Variants in SIM2 observed in about 807,000 individuals in gnomAD.
The protein encoded by SIM2 is SIM bHLH transcription factor 2.
A neutral mutation model predicts 64.8 loss-of-function variants in SIM2; 28 were observed. That is an observed-to-expected ratio of 0.43 (90% CI 0.32 to 0.59). The LOEUF is 0.59. Ranked by LOEUF, SIM2 falls within the 20% of genes least tolerant of loss-of-function variation. The probability of loss-of-function intolerance (pLI) is 0.07; values close to 1 mark genes in which losing one functional copy is unlikely to be tolerated. For synonymous variants in SIM2, 408 were observed against 391.1 expected (o/e 1.04, Z -0.51); for missense variants, 847 against 871.4 (o/e 0.97, Z 0.35).
At chr21:36,700,582 T>A (rs2088477297) in intron 1 of SIM2, among the ~76,000 whole-genome samples, 1 of 152,192 alleles carries the variant, frequency 6.6e-6, no homozygotes, top group South Asian at 2.1e-4. Context: ...TCCCTCTTTT[T>A]GTCTCTTCTG....
chr21:36,745,363 T>C lies in SIM2; in HGVS notation c.1576+227T>C. 1 of 1,415,454 alleles carries C rather than the reference T, an allele frequency of 7.1e-7. No homozygotes were observed. The highest frequency in any genetic ancestry group is 9.3e-7 in the Non-Finnish European group (1 of 1,077,390). The allele number at this position is 1,415,454 out of a possible 1,614,324, so 87.7% of individuals were successfully genotyped here. A position where few individuals can be genotyped will look rare whatever the true frequency, so the allele number is the denominator to read the frequency against. ...TGCCTCGGGGACACTAGTGACAGTA[T>C]AAAGGGCAAAGGAAAACCGAGTATC... On this transcript the variant is annotated intron_variant, in intron 10 of 10. Coordinates refer to ENST00000290399, the MANE Select transcript of SIM2 (RefSeq NM_005069.6). This position sits in a 1 kb window ranked among gnomAD's most constrained non-coding sequence, Gnocchi z 4.8.
chr21:36,705,941 C>T (rs1200603557), intron 1 of SIM2, among the ~76,000 whole-genome samples: 1 of 152,230 alleles, frequency 6.6e-6, no homozygotes, highest in Non-Finnish European at 1.5e-5. Context: ...CCCACAGCCC[C>T]TGCCACCACC....
At chr21:36,719,672 C>G in intron 3 of SIM2, 149 bp from the exon 4 acceptor site, 1 of 615,440 alleles carries the variant, frequency 1.6e-6, no homozygotes, top group East Asian at 2.7e-5. Flanking sequence ...GAAAAGAAAA[C>G]TGTTTCTGCG....
At chr21:36,740,028 AAAGAAAG>A (rs1424803184) in intron 7 of SIM2, among the ~76,000 whole-genome samples, 1 of 135,810 alleles carries the variant, frequency 7.4e-6, no homozygotes, top group Non-Finnish European at 1.7e-5. Flanking sequence ...AGAAAGAAAG[AAAGAAAG>A]AAAGAAAGAA....
At chr21:36,701,274 C>A (rs2088491534) in intron 1 of SIM2, 2 of 152,376 alleles carry the variant, frequency 1.3e-5, no homozygotes, top group African/African-American at 4.8e-5. Flanking sequence ...GGCCGCAGGG[C>A]GCTTCCATAG....
Position 36,744,785 on chromosome 21 carries a change from G to C in SIM2, c.1225G>C (p.Ala409Pro). Residue 409 changes from alanine (A) to proline (P), a missense_variant, in exon 10 of 11, where the codon GCC becomes CCC. Ala to Pro is a conservative substitution (Grantham distance 27, BLOSUM62 -1). This residue lies in a region of SIM2 where 447 missense variants were observed against 414.6 expected (regional missense o/e 1.08). Transcript: ENST00000290399. The part of the protein sequence containing the change: ...LECGQLGNWR[A>P]SPPASAAAPP... ...ATGCGGCCAGCTCGGAAACTGGAGA[G>C]CCAGTCCCCCTGCAAGCGCTGCTGC... 1 of 1,613,374 alleles carries C rather than the reference G, an allele frequency of 6.2e-7. No homozygotes were observed. The highest frequency in any genetic ancestry group is 8.5e-7 in the Non-Finnish European group (1 of 1,179,678).
intron 1 of SIM2, among the ~76,000 whole-genome samples, chr21:36,703,252 A>G (rs1371663445): frequency 6.6e-6 from 1 of 152,200 alleles, no homozygotes. Flanking sequence ...TAAGCACCCC[A>G]CTTGGTAGCC....
At position 36,699,726 on chromosome 21, in the gene SIM2, T is replaced by C. The variant is rs1217015979; in HGVS notation, c.-21T>C. ...GGGCCTGGAGCACGGCCGGGTCTAA[T>C]ATGCCCGGAGCCGAGGCGCGATGAA... is the stretch of plus-strand genomic sequence containing the variant. On this transcript the variant is annotated 5_prime_UTR_variant, in exon 1 of 11. Coordinates refer to ENST00000290399, the MANE Select transcript of SIM2 (RefSeq NM_005069.6). This position sits in a 1 kb window ranked among gnomAD's most constrained non-coding sequence, Gnocchi z 5.6. The C allele has an allele frequency of 6.2e-7, 1 of 1,609,624 alleles. No individual in the cohort carries two copies. The highest frequency in any genetic ancestry group is 8.5e-7 in the Non-Finnish European group (1 of 1,178,184).
At chr21:36,741,650 T>C in intron 7 of SIM2, 67 bp from the exon 8 acceptor site, 1 of 1,575,180 alleles carries the variant, frequency 6.3e-7, no homozygotes, top group Non-Finnish European at 8.6e-7. Flanking sequence ...AGGTCACCGT[T>C]GGGGGCAGCA....
intron 7 of SIM2, among the ~76,000 whole-genome samples, chr21:36,735,044 C>G (rs2089024080): frequency 6.6e-6 from 1 of 152,202 alleles, no homozygotes; most frequent in Admixed American, 6.5e-5. Flanking sequence ...GGGTGTTGTC[C>G]ACTGGCTACA....
At chr21:36,721,142 G>A (rs960880499) in intron 4 of SIM2, among the ~76,000 whole-genome samples, 2 of 152,172 alleles carry the variant, frequency 1.3e-5, no homozygotes, top group African/African-American at 4.8e-5. Context: ...ATAGTCACTG[G>A]AGTCTAATTA....
chr21:36,745,823 G>A lies in SIM2; in HGVS notation c.1576+687G>A, dbSNP rs1159166662. 4 of 1,303,982 alleles carry A rather than the reference G, an allele frequency of 3.1e-6. No individual in the cohort carries two copies. The highest frequency in any genetic ancestry group is 4.0e-6 in the Non-Finnish European group (4 of 988,792). The allele number at this position is 1,303,982 out of a possible 1,614,324, so 80.8% of individuals were successfully genotyped here. ...AGCAGATGTCCTCTGCGGAGATACC[G>A]CCAGCTCCCCAGGACGCAGACTGAC... On this transcript the variant is annotated intron_variant, in intron 10 of 10. Coordinates refer to ENST00000290399, the MANE Select transcript of SIM2 (RefSeq NM_005069.6). This position sits in a 1 kb window ranked among gnomAD's most constrained non-coding sequence, Gnocchi z 4.8.
At chr21:36,717,274 AC>A in intron 3 of SIM2, among the ~76,000 whole-genome samples, 1 of 152,168 alleles carries the variant, frequency 6.6e-6, no homozygotes, top group South Asian at 2.1e-4. Flanking sequence ...CACATCAGTT[AC>A]TTTTTTCCAG....
intron 3 of SIM2, among the ~76,000 whole-genome samples, chr21:36,716,498 A>G (rs573030198): frequency 4.2e-4 from 64 of 152,348 alleles, no homozygotes; most frequent in African/African-American, 1.5e-3. Context: ...CTTTTGAAAT[A>G]AAGACAAAAG....
At chr21:36,743,668 C>A in intron 9 of SIM2, 113 bp downstream of exon 9, 1 of 1,070,102 alleles carries the variant, frequency 9.3e-7, no homozygotes, top group Non-Finnish European at 1.4e-6. Context: ...GATCTCCCTG[C>A]CGTGGAGCAA....
At chr21:36,718,396 A>G (rs1324568107) in intron 3 of SIM2, among the ~76,000 whole-genome samples, 1 of 152,202 alleles carries the variant, frequency 6.6e-6, no homozygotes, top group African/African-American at 2.4e-5. Context: ...TTTGCAGATA[A>G]TCATGTTGTC....
At chr21:36,746,977 C>G (rs2089235548) in intron 10 of SIM2, among the ~76,000 whole-genome samples, 2 of 152,106 alleles carry the variant, frequency 1.3e-5, no homozygotes, top group African/African-American at 4.8e-5. Context: ...GATCAGCTTC[C>G]TAGTCTTTTT....
chr21:36,727,482 T>C (rs532120301), intron 6 of SIM2, among the ~76,000 whole-genome samples: 40 of 152,368 alleles, frequency 2.6e-4, no homozygotes, highest in African/African-American at 8.9e-4. Context: ...GGCCACGTGC[T>C]AGTCAGGCCT....
intron 3 of SIM2, among the ~76,000 whole-genome samples, chr21:36,718,925 G>A (rs2088781530): frequency 6.6e-6 from 1 of 152,222 alleles, no homozygotes. Flanking sequence ...AGATTCTCAA[G>A]TTCGGGAATT....
Sources: allele counts gnomAD v4.1 joint callset (sites outside exome capture counted in the v4.1 genomes callset), GRCh38; gene constraint gnomAD v4.1.1; regional missense constraint gnomAD v4.1.1; non-coding constraint Gnocchi (gnomAD v3.1); transcripts MANE v1.5; gene names NCBI Gene and HGNC (gene_info 2026-07-23, HGNC 2026-07-21).